PLCH1: variants seen among roughly 807,000 people sequenced by gnomAD.
PLCH1 encodes phospholipase C eta 1, also known as 1-phosphatidylinositol 4,5-bisphosphate phosphodiesterase eta-1.
Under a neutral mutation model 126.7 loss-of-function variants are expected in PLCH1, and 60 were observed. The ratio of observed to expected loss-of-function variants is 0.47; its 90% CI spans 0.38 to 0.59. PLCH1 has a LOEUF of 0.59. Ranked by LOEUF, PLCH1 falls within the 20% of genes least tolerant of loss-of-function variation. The pLI, the probability that PLCH1 is intolerant of heterozygous loss-of-function variation, is 0.00. For missense variants in PLCH1, 1,723 were observed against 2,040.0 expected, an observed-to-expected ratio of 0.84 and a Z score of 2.99; for synonymous variants, 719 against 734.9, an observed-to-expected ratio of 0.98 and a Z score of 0.35.
intron 2 of PLCH1, among the ~76,000 whole-genome samples, chr3:155,652,765 A>G (rs980961648): frequency 3.3e-5 from 5 of 152,062 alleles, no homozygotes; most frequent in African/African-American, 1.2e-4. Flanking sequence ...AGGAGTCATA[A>G]CCCACCCTCT....
At chr3:155,718,470 G>A (rs116465038) in intron 1 of PLCH1, among the ~76,000 whole-genome samples, 2,487 of 152,258 alleles carry the variant, frequency 0.016, 27 homozygotes, top group South Asian at 0.039. Context: ...TTGCTATAAA[G>A]AAATACCTCA....
At chr3:155,630,954 AT>A in intron 2 of PLCH1, among the ~76,000 whole-genome samples, 1 of 152,342 alleles carries the variant, frequency 6.6e-6, no homozygotes, top group East Asian at 1.9e-4. Context: ...GATTGAAGAA[AT>A]TTTTGGAATT....
chr3:155,550,929 C>T (rs1364650817), intron 9 of PLCH1, among the ~76,000 whole-genome samples: 1 of 152,136 alleles, frequency 6.6e-6, no homozygotes, highest in East Asian at 1.9e-4. Flanking sequence ...ATTAGTAAAA[C>T]CTGATGCTGT....
At chr3:155,724,481 A>T (rs1748168322) in intron 1 of PLCH1, among the ~76,000 whole-genome samples, 1 of 152,178 alleles carries the variant, frequency 6.6e-6, no homozygotes, top group African/African-American at 2.4e-5. Context: ...TAATTCTTTT[A>T]TCATTGTATA....
intron 2 of PLCH1, among the ~76,000 whole-genome samples, chr3:155,645,358 C>T (rs997327743): frequency 6.6e-6 from 1 of 152,134 alleles, no homozygotes; most frequent in African/African-American, 2.4e-5. Context: ...TACAGGCGTG[C>T]ACCACTGATC....
chr3:155,519,297 G>T (rs1720754982), intron 11 of PLCH1, among the ~76,000 whole-genome samples: 1 of 152,162 alleles, frequency 6.6e-6, no homozygotes, highest in Non-Finnish European at 1.5e-5. Context: ...CGCTGCAGCT[G>T]GGGGCTGGGG....
At chr3:155,551,355 G>C (rs1222472238) in intron 9 of PLCH1, among the ~76,000 whole-genome samples, 1 of 148,144 alleles carries the variant, frequency 6.8e-6, no homozygotes, top group Non-Finnish European at 1.5e-5. Flanking sequence ...TGAGGCAAGA[G>C]AATCGCTTGA....
intron 2 of PLCH1, among the ~76,000 whole-genome samples, chr3:155,685,853 C>T (rs75189690): frequency 2.2e-4 from 33 of 152,248 alleles, no homozygotes; most frequent in Non-Finnish European, 4.1e-4. Flanking sequence ...AGCACAGGGC[C>T]CTTCTAAGTC....
intron 5 of PLCH1, among the ~76,000 whole-genome samples, chr3:155,585,514 A>G (rs79778304): frequency 2.0e-5 from 3 of 152,302 alleles, no homozygotes; most frequent in Non-Finnish European, 4.4e-5. Flanking sequence ...ATGCCACAGA[A>G]TAAGTCTGGG....
intron 19 of PLCH1, among the ~76,000 whole-genome samples, chr3:155,489,815 G>A (rs932667754): frequency 2.0e-5 from 3 of 152,144 alleles, no homozygotes; most frequent in Non-Finnish European, 4.4e-5. Context: ...GTTTAAAAAT[G>A]TATGCATTTC....
At chr3:155,692,938 A>T (rs924539141) in intron 2 of PLCH1, among the ~76,000 whole-genome samples, 1 of 151,872 alleles carries the variant, frequency 6.6e-6, no homozygotes, top group African/African-American at 2.4e-5. Context: ...GCACGCTGCC[A>T]CGCCCGGCTA....
chr3:155,676,717 G>C (rs929797424), intron 2 of PLCH1, among the ~76,000 whole-genome samples: 2 of 151,928 alleles, frequency 1.3e-5, no homozygotes, highest in African/African-American at 2.4e-5. Flanking sequence ...TTGTTTTTTT[G>C]TCCTGATTTT....
chr3:155,522,935 C>T (rs938114220), intron 11 of PLCH1, among the ~76,000 whole-genome samples: 2 of 129,354 alleles, frequency 1.5e-5, no homozygotes, highest in African/African-American at 6.0e-5. Context: ...CTTGGATCAC[C>T]TGGCTAAATG....
chr3:155,664,005 T>A (rs1276148005), intron 2 of PLCH1, among the ~76,000 whole-genome samples: 3 of 152,202 alleles, frequency 2.0e-5, no homozygotes, highest in Non-Finnish European at 4.4e-5. Flanking sequence ...ACTCTGCCTT[T>A]TACTCCCTGC....
intron 10 of PLCH1, among the ~76,000 whole-genome samples, chr3:155,544,505 A>T (rs1724901168): frequency 6.6e-6 from 1 of 152,208 alleles, no homozygotes; most frequent in Non-Finnish European, 1.5e-5. Context: ...AAGGATATCC[A>T]GGAATTGAAG....
In PLCH1 at chr3:155,497,360, C is replaced by T; in HGVS notation, c.1854G>A (p.Val618=). 1.2e-6 allele frequency: 2 copies of T among 1,613,996 alleles called. No individual in the cohort carries two copies. Among genetic ancestry groups the T allele is most frequent in the Non-Finnish European group, 1.7e-6 (2 of 1,179,854 alleles). ...CCTGAGCGGCCACGGAGTTTGTGTA[C>T]ACAACCAAATCAGAGAGTTCTCGGC... ...KLCRELSDLV[V]YTNSVAAQDI... The change falls in exon 15 of 23, where the codon GTG becomes GTA. Residue 618 remains valine (V), a synonymous_variant. Transcript: ENST00000460012.
At chr3:155,473,468 A>G (rs551417381) in intron 21 of PLCH1, among the ~76,000 whole-genome samples, 1 of 151,890 alleles carries the variant, frequency 6.6e-6, no homozygotes, top group African/African-American at 2.4e-5. Flanking sequence ...CATGGGTAGG[A>G]AGAATCAATA....
At chr3:155,544,824 GTTC>G (rs1724964164) in intron 10 of PLCH1, among the ~76,000 whole-genome samples, 1 of 151,544 alleles carries the variant, frequency 6.6e-6, no homozygotes, top group Non-Finnish European at 1.5e-5. Flanking sequence ...AAATAAAGAT[GTTC>G]TTTGAAACCA....
chr3:155,481,960 C>T lies in PLCH1; in HGVS notation c.4066G>A (p.Gly1356Arg). 2 of 1,614,120 alleles carry T rather than the reference C, an allele frequency of 1.2e-6. No homozygotes were observed. Reference sequence around the variant, plus strand: ...GTTAGAGAAAGATTTTCTGATTCTCCATCAATTTCCACAAGGCTGCTCTCC... The same window carrying T: ...GTTAGAGAAAGATTTTCTGATTCTCTATCAATTTCCACAAGGCTGCTCTCC... ...SGESSLVEID[G>R]ESENLSLTTC... The change falls in exon 23 of 23, where the codon GGA becomes AGA. Residue 1356 changes from glycine to arginine, a missense_variant. Coordinates refer to ENST00000460012, the MANE Select transcript of PLCH1 (RefSeq NM_014996.4). This position sits in a 1 kb window ranked among gnomAD's most constrained non-coding sequence, Gnocchi z 4.2.
Sources: gnomAD v4.1 joint callset for allele counts (sites outside exome capture counted in the v4.1 genomes callset) on GRCh38, gnomAD v4.1.1 for gene constraint, Gnocchi (gnomAD v3.1) non-coding constraint, MANE v1.5 for transcripts, NCBI Gene and HGNC (gene_info 2026-07-23, HGNC 2026-07-21) for gene names.